SIAH1: variants seen among roughly 807,000 people sequenced by gnomAD.
The protein encoded by SIAH1 is siah E3 ubiquitin protein ligase 1, also known as E3 ubiquitin-protein ligase SIAH1.
A neutral mutation model predicts 20.0 loss-of-function variants in SIAH1; 2 were observed. The ratio of observed to expected loss-of-function variants is 0.10; its 90% CI spans 0.04 to 0.31. The LOEUF is 0.31. SIAH1 is among the 10% of genes least tolerant of loss of function. SIAH1 has a pLI of 1.00. For missense variants in SIAH1, 119 were observed against 355.3 expected, an observed-to-expected ratio of 0.33 and a Z score of 5.35; for synonymous variants, 118 against 125.3, an observed-to-expected ratio of 0.94 and a Z score of 0.39.
At chr16:48,376,219 C>G (rs960898259) in intron 1 of SIAH1, among the ~76,000 whole-genome samples, 2 of 152,166 alleles carry the variant, frequency 1.3e-5, no homozygotes, top group Non-Finnish European at 2.9e-5. Context: ...TTCGGTATCT[C>G]TCCAATGTTT....
At chr16:48,381,563 A>T (rs1441976131) in intron 1 of SIAH1, among the ~76,000 whole-genome samples, 4 of 152,236 alleles carry the variant, frequency 2.6e-5, no homozygotes, top group Non-Finnish European at 5.9e-5. Flanking sequence ...ACAACAGATT[A>T]TTATGCAGCC....
chr16:48,372,020 C>G (rs574749942), intron 1 of SIAH1, among the ~76,000 whole-genome samples: 1 of 151,790 alleles, frequency 6.6e-6, no homozygotes, highest in African/African-American at 2.4e-5. Flanking sequence ...CACACACACA[C>G]ACAGAGAAAA....
rs1165464113 is a variant in SIAH1, at chr16:48,361,589, G to T, written c.840C>A (p.Ser280=). The T allele has an allele frequency of 2.5e-6, 4 of 1,611,908 alleles. No homozygotes were observed. Among genetic ancestry groups the T allele is most frequent in the Non-Finnish European group, 3.4e-6 (4 of 1,178,648 alleles). ...ATGTTTGATTGCCATTTCAACACATGGAAATAGTTACATTGATGCCTAAAT... is the reference window on the plus strand; with the variant it reads ...ATGTTTGATTGCCATTTCAACACATTGAAATAGTTACATTGATGCCTAAAT... ...NGNLGINVTI[S]MC is the part of the protein sequence containing the mutation. The change falls in exon 2 of 2, where the codon TCC becomes TCA. Residue 280 remains serine, a synonymous_variant. Coordinates refer to ENST00000394725, the MANE Select transcript of SIAH1 (RefSeq NM_003031.4).
intron 1 of SIAH1, among the ~76,000 whole-genome samples, chr16:48,371,696 T>A (rs1343912240): frequency 1.3e-5 from 2 of 152,248 alleles, no homozygotes; most frequent in African/African-American, 4.8e-5. Context: ...GAAATTAAAA[T>A]TATTGAAACA....
Position 48,385,258 on chromosome 16 carries a change from G to A in SIAH1, c.-57C>T, listed in dbSNP as rs1308462481. On this transcript the variant is annotated 5_prime_UTR_variant, in exon 1 of 2. Coordinates refer to ENST00000394725, the MANE Select transcript of SIAH1 (RefSeq NM_003031.4). ...GGTCCTGGCACCAACGCGCTCCGTC[G>A]CCAACCCCCGCCACCGCGGGCAGCG... 2 of 317,668 alleles carry A rather than the reference G, an allele frequency of 6.3e-6. No individual in the cohort carries two copies. The highest frequency in any genetic ancestry group is 3.2e-5 in the Admixed American group (1 of 31,100). 19.7% of individuals were successfully genotyped at this position (317,668 alleles called of 1,614,324 possible).
intron 1 of SIAH1, among the ~76,000 whole-genome samples, chr16:48,381,377 A>T (rs1961288346): frequency 6.6e-6 from 1 of 152,158 alleles, no homozygotes; most frequent in South Asian, 2.1e-4. Context: ...AACTCTTACT[A>T]TCTGATCCAG....
intron 1 of SIAH1, among the ~76,000 whole-genome samples, chr16:48,384,517 C>T (rs976159112): frequency 3.9e-5 from 6 of 152,184 alleles, no homozygotes; most frequent in African/African-American, 9.6e-5. Context: ...AGAGCTTCCC[C>T]GGCACGCCGT....
chr16:48,379,537 A>C (rs1377612764), intron 1 of SIAH1, among the ~76,000 whole-genome samples: 2 of 152,230 alleles, frequency 1.3e-5, no homozygotes, highest in East Asian at 1.9e-4. Flanking sequence ...AGAAGAGTTT[A>C]ATAAGGACAG....
chr16:48,372,100 A>T (rs1449957043), intron 1 of SIAH1, among the ~76,000 whole-genome samples: 1 of 152,208 alleles, frequency 6.6e-6, no homozygotes, highest in Non-Finnish European at 1.5e-5. Context: ...AAAAGAGCAT[A>T]TTGCTAGGAA....
In SIAH1 at chr16:48,361,492, A is replaced by C; in HGVS notation, c.*88T>G. ...ATGTGTCTAGCTTCCACCTACCGAAAGAGTTTTAGGTTGGCAGACAGATGG... is the reference window on the plus strand; with the variant it reads ...ATGTGTCTAGCTTCCACCTACCGAACGAGTTTTAGGTTGGCAGACAGATGG... On this transcript the variant is annotated 3_prime_UTR_variant, in exon 2 of 2. Transcript: ENST00000394725. 9.5e-6 allele frequency: 13 copies of C among 1,362,942 alleles called. No individual in the cohort carries two copies. The highest frequency in any genetic ancestry group is 1.2e-5 in the Non-Finnish European group (12 of 968,164). The allele number at this position is 1,362,942 out of a possible 1,614,324, so 84.4% of individuals were successfully genotyped here.
At position 48,362,323 on chromosome 16, in the gene SIAH1, C is replaced by T; in HGVS notation, c.106G>A (p.Ala36Thr). The T allele has an allele frequency of 6.2e-7, 1 of 1,614,152 alleles. No individual in the cohort carries two copies. The highest frequency in any genetic ancestry group is 8.5e-7 in the Non-Finnish European group (1 of 1,180,032). Residue 36 changes from alanine (A) to threonine (T), a missense_variant, in exon 2 of 2, where the codon GCG (alanine) becomes ACG (threonine). Coordinates refer to ENST00000394725, the MANE Select transcript of SIAH1 (RefSeq NM_003031.4). This position sits in a 1 kb window ranked among gnomAD's most constrained non-coding sequence, Gnocchi z 4.2. ...TGTTASNNDL[A>T]SLFECPVCFD... ...CAGACTGGACACTCAAAAAGACTCG[C>T]CAAGTCATTGTTGGATGCAGTTGTG...
At chr16:48,370,921 C>T (rs1960968918) in intron 1 of SIAH1, among the ~76,000 whole-genome samples, 1 of 152,002 alleles carries the variant, frequency 6.6e-6, no homozygotes, top group South Asian at 2.1e-4. Context: ...TGAGATCAGC[C>T]TGGCCAACGT....
At chr16:48,366,288 T>G (rs1363382279) in intron 1 of SIAH1, among the ~76,000 whole-genome samples, 1 of 152,246 alleles carries the variant, frequency 6.6e-6, no homozygotes, top group African/African-American at 2.4e-5. Flanking sequence ...GCTCCAGGTT[T>G]ATCGTGCGAA....
At chr16:48,364,977 C>T (rs1361640380) in intron 1 of SIAH1, 1 of 170,414 alleles carries the variant, frequency 5.9e-6, no homozygotes, top group African/African-American at 2.4e-5. Flanking sequence ...TACAATATAT[C>T]TTTGCCATTT....
At chr16:48,384,131 A>T (rs1961370284) in intron 1 of SIAH1, among the ~76,000 whole-genome samples, 1 of 152,204 alleles carries the variant, frequency 6.6e-6, no homozygotes, top group Non-Finnish European at 1.5e-5. Flanking sequence ...TGCTCTCAAC[A>T]TCCAACTGCT....
At chr16:48,369,373 G>A (rs572044228) in intron 1 of SIAH1, among the ~76,000 whole-genome samples, 4 of 152,152 alleles carry the variant, frequency 2.6e-5, no homozygotes, top group Admixed American at 6.5e-5. Flanking sequence ...GGCAAATCCC[G>A]ACTTAAATGT....
chr16:48,364,864 A>G (rs889055064), intron 1 of SIAH1: 1 of 152,668 alleles, frequency 6.6e-6, no homozygotes, highest in African/African-American at 2.4e-5. Flanking sequence ...AACTCAGTTT[A>G]TATTTAACAC....
intron 1 of SIAH1, among the ~76,000 whole-genome samples, chr16:48,380,619 T>C (rs1015614843): frequency 2.0e-5 from 3 of 151,620 alleles, no homozygotes; most frequent in African/African-American, 7.3e-5. Context: ...AATGCAAATT[T>C]AAAACAGTAA....
chr16:48,361,521 C>A lies in SIAH1; in HGVS notation c.*59G>T. The A allele has an allele frequency of 3.2e-6, 5 of 1,563,326 alleles. No homozygotes were observed. Among genetic ancestry groups the A allele is most frequent in the Non-Finnish European group, 4.4e-6 (5 of 1,144,592 alleles). ...TTTTAGGTTGGCAGACAGATGGGTG[C>A]CTTATTTTCTGTGAAACTGAAGTTT... On this transcript the variant is annotated 3_prime_UTR_variant, in exon 2 of 2. Transcript: ENST00000394725.
Sources: allele counts gnomAD v4.1 joint callset (sites outside exome capture counted in the v4.1 genomes callset), GRCh38; gene constraint gnomAD v4.1.1; non-coding constraint Gnocchi (gnomAD v3.1); transcripts MANE v1.5; gene names NCBI Gene and HGNC (gene_info 2026-07-23, HGNC 2026-07-21).